Variants in ATP6V0D2 observed in about 807,000 individuals in gnomAD.
ATP6V0D2 encodes the protein ATPase H+ transporting V0 subunit d2, also known as V-type proton ATPase subunit d 2.
A neutral mutation model predicts 40.0 loss-of-function variants in ATP6V0D2; 40 were observed. The observed-to-expected ratio is 1.00, with a 90% CI of 0.78 to 1.30. The LOEUF (loss-of-function observed/expected upper bound fraction) is 1.30. ATP6V0D2 is among the 50% of genes most tolerant of loss of function. The pLI is 0.00. For missense variants in ATP6V0D2, 470 were observed against 423.1 expected (o/e 1.11, Z -0.97); for synonymous variants, 179 against 156.3 (o/e 1.15, Z -1.08).
In ATP6V0D2 at chr8:86,150,227, T is replaced by C. The variant is rs532949298; in HGVS notation, c.755T>C (p.Leu252Ser). 6.2e-7 allele frequency: 1 copy of C among 1,613,188 alleles called. No homozygotes were observed. The highest frequency in any genetic ancestry group is 1.3e-5 in the African/African-American group (1 of 74,754). The change falls in exon 6 of 8, where the codon TTG becomes TCG. Residue 252 changes from leucine to serine, a missense_variant. Physicochemically the swap from Leu to Ser is moderately radical, Grantham distance 145 (BLOSUM62 -2). Transcript: ENST00000285393. ...PTFGKLYPEG[L>S]RLLAQAEDFD... Reference sequence around the variant, plus strand: ...TTCGGCAAACTCTATCCTGAGGGGTTGCGGCTGTTGGCTCAAGCAGAAGAC... The same window carrying C: ...TTCGGCAAACTCTATCCTGAGGGGTCGCGGCTGTTGGCTCAAGCAGAAGAC...
chr8:86,130,586 T>C (rs534161467), intron 2 of ATP6V0D2, among the ~76,000 whole-genome samples: 9 of 152,128 alleles, frequency 5.9e-5, no homozygotes, highest in African/African-American at 1.9e-4. Flanking sequence ...ACGACAGGCC[T>C]GGGAGATAGG....
intron 2 of ATP6V0D2, among the ~76,000 whole-genome samples, chr8:86,116,564 A>AC (rs1450724386): frequency 6.6e-6 from 1 of 152,174 alleles, no homozygotes; most frequent in African/African-American, 2.4e-5. Context: ...GACTCCATTT[A>AC]CCAATCATTT....
chr8:86,110,296 T>C (rs1818515004), intron 1 of ATP6V0D2, among the ~76,000 whole-genome samples: 1 of 152,148 alleles, frequency 6.6e-6, no homozygotes, highest in Non-Finnish European at 1.5e-5. Flanking sequence ...GGTTTCACCA[T>C]GTTGGCCAGG....
At chr8:86,145,362 GAAGGAAGGAAGGAAAGAAAAGA>G (rs1283490441) in intron 5 of ATP6V0D2, among the ~76,000 whole-genome samples, 6 of 91,790 alleles carry the variant, frequency 6.5e-5, no homozygotes, top group African/African-American at 2.6e-4. Context: ...AGGAAGGAAG[GAAGGAAGGAAGGAAAGAAAAGA>G]AAAGAAAAGA....
chr8:86,151,517 G>A lies in ATP6V0D2; in HGVS notation c.868G>A (p.Glu290Lys). The A allele has an allele frequency of 6.2e-7, 1 of 1,608,530 alleles. No homozygotes were observed. The highest frequency in any genetic ancestry group is 1.3e-5 in the African/African-American group (1 of 74,776). ...AGGTGGCAGTGGGGGAAAGACATTG[G>A]AGGACGTGTTTTACGAGCGTGAGGT... ...AVGGSGGKTL[E>K]DVFYEREVQM... The change falls in exon 7 of 8, where the codon GAG (glutamate) becomes AAG (lysine). Residue 290 changes from glutamate to lysine, a missense_variant. Transcript: ENST00000285393.
chr8:86,122,670 C>A (rs1455919156), intron 2 of ATP6V0D2, among the ~76,000 whole-genome samples: 2 of 152,146 alleles, frequency 1.3e-5, no homozygotes, highest in Non-Finnish European at 2.9e-5. Flanking sequence ...TAAGCCACAG[C>A]TATAAGAGAA....
intron 5 of ATP6V0D2, among the ~76,000 whole-genome samples, chr8:86,145,195 AAAAG>A (rs796950589): frequency 1.7e-3 from 25 of 14,552 alleles, no homozygotes; most frequent in South Asian, 6.2e-3. Flanking sequence ...AGAAAGAAAG[AAAAG>A]AAAGAAAGAA....
chr8:86,102,533 T>C (rs1359901116), intron 1 of ATP6V0D2, among the ~76,000 whole-genome samples: 1 of 152,226 alleles, frequency 6.6e-6, no homozygotes, highest in Non-Finnish European at 1.5e-5. Context: ...TCATCTGGTC[T>C]TTAAAAGGAA....
At chr8:86,099,164 C>G in intron 1 of ATP6V0D2, 56 bp downstream of exon 1, 3 of 1,508,058 alleles carry the variant, frequency 2.0e-6, no homozygotes, top group Non-Finnish European at 2.7e-6. Context: ...GAAATGATGT[C>G]CCTCTCCAGA....
At chr8:86,142,114 T>C (rs1298502736) in intron 4 of ATP6V0D2, among the ~76,000 whole-genome samples, 1 of 152,212 alleles carries the variant, frequency 6.6e-6, no homozygotes, top group Non-Finnish European at 1.5e-5. Flanking sequence ...CAAATAACCA[T>C]AGCCTCTTTG....
At chr8:86,100,608 G>A (rs1818384367) in intron 1 of ATP6V0D2, among the ~76,000 whole-genome samples, 1 of 152,136 alleles carries the variant, frequency 6.6e-6, no homozygotes, top group South Asian at 2.1e-4. Context: ...AACTAATTCT[G>A]TTGGCTACAA....
intron 2 of ATP6V0D2, among the ~76,000 whole-genome samples, chr8:86,135,582 G>A (rs1334152686): frequency 1.3e-5 from 2 of 152,242 alleles, no homozygotes; most frequent in Admixed American, 1.3e-4. Flanking sequence ...GTGAGAGTGT[G>A]CATATAATTA....
intron 3 of ATP6V0D2, 83 bp downstream of exon 3, chr8:86,139,718 G>T: frequency 7.1e-7 from 1 of 1,412,618 alleles, no homozygotes; most frequent in Non-Finnish European, 9.5e-7. Flanking sequence ...TCTTCCCTGT[G>T]GTCCAAAAGA....
chr8:86,129,234 C>T (rs547873970), intron 2 of ATP6V0D2, among the ~76,000 whole-genome samples: 1 of 152,214 alleles, frequency 6.6e-6, no homozygotes, highest in African/African-American at 2.4e-5. Context: ...TCAGGTTTAT[C>T]TGTTTCAAAG....
At chr8:86,126,262 A>C (rs866883290) in intron 2 of ATP6V0D2, among the ~76,000 whole-genome samples, 8 of 131,334 alleles carry the variant, frequency 6.1e-5, no homozygotes, top group Non-Finnish European at 8.3e-5. Context: ...ATATATATAT[A>C]TCTTTTTGTA....
At chr8:86,110,161 C>G (rs1042530977) in intron 1 of ATP6V0D2, among the ~76,000 whole-genome samples, 1 of 152,186 alleles carries the variant, frequency 6.6e-6, no homozygotes, top group African/African-American at 2.4e-5. Context: ...GTGGCGCATT[C>G]TCAGCTCACT....
intron 2 of ATP6V0D2, among the ~76,000 whole-genome samples, chr8:86,114,645 G>T (rs910124257): frequency 5.9e-5 from 9 of 151,844 alleles, no homozygotes; most frequent in Non-Finnish European, 1.0e-4. Context: ...ACTCCAGCGA[G>T]GGCGACAGAA....
intron 2 of ATP6V0D2, among the ~76,000 whole-genome samples, chr8:86,119,222 ATCAT>A (rs1009704167): frequency 2.0e-4 from 30 of 147,292 alleles, no homozygotes; most frequent in African/African-American, 7.5e-4. Flanking sequence ...TTGTTTCCTA[ATCAT>A]AGGATCTTTT....
Position 86,152,918 on chromosome 8 carries a change from G to A in ATP6V0D2, c.994G>A (p.Ala332Thr), listed in dbSNP as rs1203726809. 6.2e-7 allele frequency: 1 copy of A among 1,612,180 alleles called. No individual in the cohort carries two copies. The highest frequency in any genetic ancestry group is 8.5e-7 in the Non-Finnish European group (1 of 1,179,230). ...EQEIRNIVWI[A>T]ECISQRHRTK... ...GGAAATTAGAAATATTGTGTGGATA[G>A]CAGAATGTATTTCACAGAGGCATCG... Residue 332 changes from alanine (A) to threonine (T), a missense_variant, in exon 8 of 8, where the codon GCA (alanine) becomes ACA (threonine). By Grantham distance (58) the Ala-to-Thr change is moderately conservative. Transcript: ENST00000285393.
Sources: gnomAD v4.1 joint callset for allele counts (sites outside exome capture counted in the v4.1 genomes callset) on GRCh38, gnomAD v4.1.1 for gene constraint, MANE v1.5 for transcripts, NCBI Gene and HGNC (gene_info 2026-07-23, HGNC 2026-07-21) for gene names.